Variants in SNX29 observed in about 807,000 individuals in gnomAD.
The protein encoded by SNX29 is sorting nexin-29.
Under a neutral mutation model 102.1 loss-of-function variants are expected in SNX29, and 78 were observed. The ratio of observed to expected loss-of-function variants is 0.76; its 90% CI spans 0.64 to 0.92. SNX29 has a LOEUF of 0.92. Ranked by LOEUF, SNX29 falls within the 40% of genes least tolerant of loss-of-function variation. The probability of loss-of-function intolerance (pLI) is 0.00; values close to 1 mark genes in which losing one functional copy is unlikely to be tolerated. For missense variants in SNX29, 1,280 were observed against 1,061.7 expected (o/e 1.21, Z -2.86); for synonymous variants, 580 against 414.5 (o/e 1.40, Z -4.85).
chr16:12,152,803 A>G (rs938725340), intron 13 of SNX29, among the ~76,000 whole-genome samples: 3 of 152,200 alleles, frequency 2.0e-5, no homozygotes, highest in South Asian at 4.1e-4. Context: ...AACACCAGTA[A>G]TGGTTCTGTC....
rs1012129221 is a variant in SNX29 at position 12,569,719 on chromosome 16, C to T, written c.*1090C>T. 3 of 230,358 alleles carry T rather than the reference C, an allele frequency of 1.3e-5. No homozygotes were observed. The highest frequency in any genetic ancestry group is 2.2e-5 in the African/African-American group (1 of 45,180). The allele number at this position is 230,358 out of a possible 1,614,324, so 14.3% of individuals were successfully genotyped here. ...AGGTGGAGAGGAGGATGGGGACCAG[C>T]AGCTGGGCAGCCCCCAGGGCTCCTC... On this transcript the variant is annotated 3_prime_UTR_variant, in exon 21 of 21. Transcript: ENST00000566228.
chr16:12,093,751 G>A lies in SNX29; in HGVS notation c.1402+14836G>A, dbSNP rs2052657299. On this transcript the variant is annotated intron_variant, in intron 11 of 20. Transcript: ENST00000566228. ...TCTGTTGTATCTGGGAACCTCATTG[G>A]AGGCTCATAGATAGTTTTAGAGATT... 3 of 152,322 alleles carry A rather than the reference G, an allele frequency of 2.0e-5. No individual in the cohort carries two copies. In the South Asian group the frequency reaches 6.2e-4, roughly 32 times the overall value. 9.4% of individuals were successfully genotyped at this position (152,322 alleles called of 1,614,324 possible). A position where few individuals can be genotyped will look rare whatever the true frequency, so the allele number is the denominator to read the frequency against.
At chr16:12,228,179 C>T (rs1026152316) in intron 14 of SNX29, among the ~76,000 whole-genome samples, 1 of 152,230 alleles carries the variant, frequency 6.6e-6, no homozygotes, top group Non-Finnish European at 1.5e-5. Flanking sequence ...CCCAGCCGAG[C>T]TGTAGACACA....
chr16:12,556,256 C>G (rs1363738359), intron 20 of SNX29: 2 of 152,188 alleles, frequency 1.3e-5, no homozygotes, highest in African/African-American at 2.4e-5. Context: ...CCCCACCTCA[C>G]TAAAGCTGGC....
intron 13 of SNX29, among the ~76,000 whole-genome samples, chr16:12,183,412 A>G (rs976025661): frequency 2.0e-5 from 3 of 152,056 alleles, no homozygotes; most frequent in African/African-American, 7.2e-5. Context: ...TAGATTTACC[A>G]ACTTTTTTTT....
chr16:11,996,096 C>T (rs964221523), intron 1 of SNX29, among the ~76,000 whole-genome samples: 2 of 151,640 alleles, frequency 1.3e-5, no homozygotes, highest in Non-Finnish European at 1.5e-5. Context: ...CCATCCTCAA[C>T]CTCCTGAACC....
chr16:12,290,619 A>G (rs377251404), intron 15 of SNX29, among the ~76,000 whole-genome samples: 35 of 152,202 alleles, frequency 2.3e-4, no homozygotes, highest in African/African-American at 8.0e-4. Flanking sequence ...ACTTGGCTCA[A>G]GCTGTCTGTG....
intron 13 of SNX29, chr16:12,135,595 C>T (rs1169593201): frequency 3.7e-6 from 5 of 1,342,330 alleles, no homozygotes; most frequent in Non-Finnish European, 4.9e-6. Context: ...CACGTGAGAA[C>T]CATGTGGTGG....
chr16:12,165,028 T>C (rs565961350), intron 13 of SNX29, among the ~76,000 whole-genome samples: 1 of 152,328 alleles, frequency 6.6e-6, no homozygotes, highest in East Asian at 1.9e-4. Flanking sequence ...GTGGCTGTTC[T>C]TGAATTTGCA....
chr16:12,157,405 C>T (rs560975338), intron 13 of SNX29, among the ~76,000 whole-genome samples: 7 of 152,230 alleles, frequency 4.6e-5, no homozygotes, highest in African/African-American at 1.7e-4. Flanking sequence ...GAGCCGAGGG[C>T]AGGGGACGTG....
intron 7 of SNX29, among the ~76,000 whole-genome samples, chr16:12,049,621 C>A (rs2050224668): frequency 6.6e-6 from 1 of 152,102 alleles, no homozygotes; most frequent in African/African-American, 2.4e-5. Flanking sequence ...GCGTGAGCCA[C>A]TGTGCCCAGC....
chr16:12,402,329 G>C (rs930600207), intron 17 of SNX29, among the ~76,000 whole-genome samples: 1 of 152,230 alleles, frequency 6.6e-6, no homozygotes. Flanking sequence ...TTGAGTCGTG[G>C]AATCTTCCAT....
chr16:12,077,693 T>C (rs2051646852), intron 10 of SNX29, among the ~76,000 whole-genome samples: 1 of 152,142 alleles, frequency 6.6e-6, no homozygotes, highest in South Asian at 2.1e-4. Flanking sequence ...TGATCTTGGC[T>C]CACTGCAACC....
chr16:12,376,269 C>T (rs1376493779), intron 16 of SNX29, among the ~76,000 whole-genome samples: 7 of 152,140 alleles, frequency 4.6e-5, no homozygotes, highest in Non-Finnish European at 7.4e-5. Context: ...CCCCCGGGAG[C>T]GAGTTGTCAC....
intron 20 of SNX29, among the ~76,000 whole-genome samples, chr16:12,555,372 G>C (rs74010786): frequency 0.011 from 1,654 of 152,070 alleles, 19 homozygotes; most frequent in African/African-American, 0.038. Flanking sequence ...CCCATGAGGC[G>C]CTCCCTGTCT....
At chr16:12,498,198 G>A (rs777056142) in intron 19 of SNX29, among the ~76,000 whole-genome samples, 18 of 152,246 alleles carry the variant, frequency 1.2e-4, no homozygotes, top group Middle Eastern at 3.4e-3. Context: ...ATGGAACAAC[G>A]CAACTTCCTC....
At chr16:12,430,026 A>G (rs2085247451) in intron 18 of SNX29, among the ~76,000 whole-genome samples, 1 of 152,240 alleles carries the variant, frequency 6.6e-6, no homozygotes, top group Non-Finnish European at 1.5e-5. Context: ...GCCAGCAAGC[A>G]TTACTGCCTG....
intron 15 of SNX29, among the ~76,000 whole-genome samples, chr16:12,311,624 G>A (rs1035024187): frequency 1.6e-4 from 24 of 152,238 alleles, no homozygotes; most frequent in Non-Finnish European, 3.1e-4. Context: ...GGCGTGGCTG[G>A]CCATGCCTAG....
chr16:12,517,192 C>T (rs1301073584), intron 19 of SNX29, among the ~76,000 whole-genome samples: 1 of 152,188 alleles, frequency 6.6e-6, no homozygotes, highest in Non-Finnish European at 1.5e-5. Context: ...AGAAGTCTGG[C>T]AGGTTCCATA....
Sources: allele counts gnomAD v4.1 joint callset (sites outside exome capture counted in the v4.1 genomes callset), GRCh38; gene constraint gnomAD v4.1.1; transcripts MANE v1.5; gene names NCBI Gene and HGNC (gene_info 2026-07-23, HGNC 2026-07-21).